The following TMA7B variants were observed in gnomAD, a reference collection of about 807,000 sequenced individuals.
TMA7B encodes translation machinery associated 7 homolog B, also known as translation machinery-associated protein 7B.
At chr22:39,964,600 C>G in the TMA7B span, 5 of 753,644 alleles carry the variant, frequency 6.6e-6, no homozygotes, top group East Asian at 1.2e-4. Flanking sequence ...AGACGGTGAC[C>G]CTTTATTTCA....
At chr22:39,960,433 G>T in the TMA7B span, 1 of 431,542 alleles carries the variant, frequency 2.3e-6, no homozygotes, top group East Asian at 3.7e-5. Flanking sequence ...AGGTGCTTCT[G>T]GAAGGGCAGG....
chr22:39,962,550 C>T, the TMA7B span, among the ~76,000 whole-genome samples: 1 of 151,990 alleles, frequency 6.6e-6, no homozygotes, highest in South Asian at 2.1e-4. Context: ...CCCTCTTTAC[C>T]CCATCATAAA....
At chr22:39,963,069 T>G in the TMA7B span, among the ~76,000 whole-genome samples, 1 of 152,198 alleles carries the variant, frequency 6.6e-6, no homozygotes, top group Non-Finnish European at 1.5e-5. Context: ...GCGATGAAGC[T>G]TCTAGTTATG....
chr22:39,963,047 CCT>C, the TMA7B span, among the ~76,000 whole-genome samples: 1 of 152,166 alleles, frequency 6.6e-6, no homozygotes, highest in Admixed American at 6.5e-5. Flanking sequence ...GAAGTCTTCC[CCT>C]GATATTCAGG....
the TMA7B span, chr22:39,963,841 C>A: frequency 6.5e-6 from 1 of 153,166 alleles, no homozygotes; most frequent in Non-Finnish European, 1.5e-5. Context: ...CACGATGAAA[C>A]CCCGTCTCTA....
At chr22:39,962,308 A>G in the TMA7B span, among the ~76,000 whole-genome samples, 1 of 151,888 alleles carries the variant, frequency 6.6e-6, no homozygotes, top group Non-Finnish European at 1.5e-5. Context: ...TGTGGTCCCA[A>G]CTACTTGGGA....
At chr22:39,962,084 A>G in the TMA7B span, among the ~76,000 whole-genome samples, 5 of 152,236 alleles carry the variant, frequency 3.3e-5, no homozygotes, top group African/African-American at 1.2e-4. Flanking sequence ...ACAAATTCTA[A>G]TCTTGTTAGG....
At chr22:39,961,167 T>C in the TMA7B span, among the ~76,000 whole-genome samples, 1 of 152,124 alleles carries the variant, frequency 6.6e-6, no homozygotes, top group Non-Finnish European at 1.5e-5. Context: ...TTGCCTGGGC[T>C]GATCTCAAAC....
the TMA7B span, among the ~76,000 whole-genome samples, chr22:39,962,211 C>T: frequency 6.6e-6 from 1 of 152,118 alleles, no homozygotes; most frequent in African/African-American, 2.4e-5. Context: ...ATGCTTTAAG[C>T]CAAGGAGTTG....
At chr22:39,964,484 A>G in the TMA7B span, 2 of 1,030,362 alleles carry the variant, frequency 1.9e-6, no homozygotes, top group East Asian at 2.5e-5. Context: ...AAAGAGGAGC[A>G]GAAGAAACTC....
At chr22:39,964,172 A>T in the TMA7B span, 18 of 524,274 alleles carry the variant, frequency 3.4e-5, 1 homozygote, top group South Asian at 5.2e-4. Flanking sequence ...TTTACATCCA[A>T]AAGAGAATGA....
At chr22:39,961,948 A>G in the TMA7B span, among the ~76,000 whole-genome samples, 1 of 152,276 alleles carries the variant, frequency 6.6e-6, no homozygotes, top group Admixed American at 6.5e-5. Context: ...GTATGCATAC[A>G]TACCTTTAAA....
At chr22:39,962,727 G>A in the TMA7B span, among the ~76,000 whole-genome samples, 1 of 151,880 alleles carries the variant, frequency 6.6e-6, no homozygotes, top group Non-Finnish European at 1.5e-5. Flanking sequence ...GCGCAATCTC[G>A]GCTCCCTGCA....
chr22:39,964,527 GC>G, the TMA7B span: 5 of 886,506 alleles, frequency 5.6e-6, no homozygotes, highest in Non-Finnish European at 9.5e-6. Context: ...TGGGGAAGGG[GC>G]CTCTGGCCAC....
chr22:39,960,792 C>G, the TMA7B span: 1 of 152,268 alleles, frequency 6.6e-6, no homozygotes, highest in African/African-American at 2.4e-5. Context: ...GACACAGAAG[C>G]CTTCAGAAAT....
the TMA7B span, chr22:39,960,428 C>T: frequency 2.3e-6 from 1 of 441,744 alleles, no homozygotes; most frequent in Admixed American, 3.4e-5. Flanking sequence ...AGCCCAGGTG[C>T]TTCTGGAAGG....
the TMA7B span, among the ~76,000 whole-genome samples, chr22:39,962,641 A>G: frequency 6.6e-6 from 1 of 151,940 alleles, no homozygotes; most frequent in Non-Finnish European, 1.5e-5. Context: ...TTTTTCAGCT[A>G]GAAACTATGG....
At chr22:39,960,775 CT>C in the TMA7B span, 1 of 152,412 alleles carries the variant, frequency 6.6e-6, no homozygotes, top group East Asian at 1.9e-4. Context: ...TAATCAAAGA[CT>C]TGTGTGACAC....
chr22:39,963,744 G>T, the TMA7B span, among the ~76,000 whole-genome samples: 1 of 152,286 alleles, frequency 6.6e-6, no homozygotes, highest in African/African-American at 2.4e-5. Flanking sequence ...ATGGTCAGGC[G>T]CAGTGGCTCA....
Sources: allele counts gnomAD v4.1 joint callset (sites outside exome capture counted in the v4.1 genomes callset), GRCh38; gene constraint gnomAD v4.1.1; transcripts MANE v1.5; gene names NCBI Gene and HGNC (gene_info 2026-07-23, HGNC 2026-07-21).